The following TNRC6B variants were observed in gnomAD, a reference collection of about 807,000 sequenced individuals.
The protein encoded by TNRC6B is trinucleotide repeat containing adaptor 6B.
Under a neutral mutation model 203.6 loss-of-function variants are expected in TNRC6B, and 52 were observed. The observed-to-expected ratio is 0.26, with a 90% CI of 0.20 to 0.32. The LOEUF (loss-of-function observed/expected upper bound fraction) is 0.32, where lower values mean the gene tolerates loss of function less well. Ranked by LOEUF, TNRC6B falls within the 10% of genes least tolerant of loss-of-function variation. The probability of loss-of-function intolerance (pLI) is 1.00; values close to 1 mark genes in which losing one functional copy is unlikely to be tolerated. For missense variants in TNRC6B, 1,923 were observed against 2,286.2 expected (o/e 0.84, Z 3.24); for synonymous variants, 838 against 845.7 (o/e 0.99, Z 0.16).
At chr22:40,276,977 A>C in intron 7 of TNRC6B, 100 bp from the exon 8 acceptor site, 2 of 834,172 alleles carry the variant, frequency 2.4e-6, no homozygotes, top group Non-Finnish European at 3.5e-6. Context: ...ATAGGACTTA[A>C]AAAGGTAAAC....
intron 1 of TNRC6B, among the ~76,000 whole-genome samples, chr22:40,075,153 T>TA (rs2067996811): frequency 1.2e-5 from 1 of 83,072 alleles, no homozygotes; most frequent in Non-Finnish European, 2.2e-5. Context: ...TATATATATA[T>TA]ATATTTTTTT....
intron 1 of TNRC6B, among the ~76,000 whole-genome samples, chr22:40,244,269 C>CAG (rs529792393): frequency 7.7e-4 from 118 of 152,314 alleles, no homozygotes; most frequent in African/African-American, 2.8e-3. Context: ...CACACCTAGA[C>CAG]AGAGGCACAC....
chr22:40,083,757 G>A (rs1443229375), intron 1 of TNRC6B, among the ~76,000 whole-genome samples: 1 of 152,092 alleles, frequency 6.6e-6, no homozygotes, highest in African/African-American at 2.4e-5. Flanking sequence ...TTGAAATAGG[G>A]GAAAGAGGGG....
chr22:40,181,443 C>G (rs1207391003), intron 1 of TNRC6B, among the ~76,000 whole-genome samples: 1 of 152,126 alleles, frequency 6.6e-6, no homozygotes, highest in Non-Finnish European at 1.5e-5. Flanking sequence ...AATCATTGAT[C>G]ATCTGCAGTT....
chr22:40,213,581 G>A (rs980872597), intron 1 of TNRC6B, among the ~76,000 whole-genome samples: 1 of 152,176 alleles, frequency 6.6e-6, no homozygotes, highest in Admixed American at 6.5e-5. Context: ...TGTAGAAAAT[G>A]TATCAGAGGG....
intron 3 of TNRC6B, among the ~76,000 whole-genome samples, chr22:40,145,532 C>T (rs1244570128): frequency 8.6e-5 from 13 of 151,906 alleles, no homozygotes; most frequent in African/African-American, 2.9e-4. Context: ...GCAATTTATT[C>T]GATGTTGAGG....
upstream of TNRC6B, among the ~76,000 whole-genome samples, chr22:40,177,046 G>C (rs1294615572): frequency 6.6e-6 from 1 of 152,218 alleles, no homozygotes; most frequent in Non-Finnish European, 1.5e-5. Flanking sequence ...CACGGCCTGT[G>C]AGCCGCGGGG....
intron 1 of TNRC6B, among the ~76,000 whole-genome samples, chr22:40,244,026 G>A (rs2070069478): frequency 6.6e-6 from 1 of 150,886 alleles, no homozygotes; most frequent in African/African-American, 2.4e-5. Context: ...CTACTTTCCT[G>A]TAGTTGGTTT....
chr22:40,106,544 A>G (rs989998110), intron 1 of TNRC6B: 4 of 735,566 alleles, frequency 5.4e-6, no homozygotes, highest in African/African-American at 5.2e-5. Context: ...TCGAGCAATC[A>G]AAGTGTTATC....
intron 4 of TNRC6B, among the ~76,000 whole-genome samples, chr22:40,170,353 T>A (rs1303784483): frequency 1.4e-5 from 1 of 73,920 alleles, no homozygotes; most frequent in Non-Finnish European, 2.4e-5. Context: ...TATATATATA[T>A]TATGTATATA....
Position 40,301,297 on chromosome 22 carries a change from C to T in TNRC6B, c.4084C>T (p.Leu1362Phe), listed in dbSNP as rs1166590751. ...CGCATTGAATGTGGGGCTCCCAGAC[C>T]TTCAAACCAAAGGGCCAATACCTGG... ...PNALNVGLPD[L>F]QTKGPIPGYG... Residue 1362 changes from leucine (L) to phenylalanine (F), a missense_variant, in exon 15 of 23, where the codon CTT becomes TTT. By Grantham distance (22) the Leu-to-Phe change is conservative. Coordinates refer to ENST00000454349, the MANE Select transcript of TNRC6B (RefSeq NM_001162501.2). 2 of 1,604,716 alleles carry T rather than the reference C, an allele frequency of 1.2e-6. No individual in the cohort carries two copies. The highest frequency in any genetic ancestry group is 1.7e-5 in the Admixed American group (1 of 58,812).
intron 1 of TNRC6B, among the ~76,000 whole-genome samples, chr22:40,056,974 TGTA>T (rs765989520): frequency 7.9e-5 from 12 of 152,290 alleles, no homozygotes; most frequent in Admixed American, 3.3e-4. Flanking sequence ...GGAAGTTCCT[TGTA>T]GTATCTCAAC....
intron 2 of TNRC6B, 131 bp downstream of exon 2, chr22:40,246,233 A>T: frequency 1.6e-6 from 1 of 643,540 alleles, no homozygotes; most frequent in Middle Eastern, 4.6e-4. Context: ...TCTGTCACCT[A>T]GGCTGGAGTG....
At chr22:40,198,056 G>A (rs1182154103) in intron 1 of TNRC6B, among the ~76,000 whole-genome samples, 1 of 152,136 alleles carries the variant, frequency 6.6e-6, no homozygotes, top group Non-Finnish European at 1.5e-5. Context: ...TTGAGTTTAA[G>A]TTGTAATTCT....
chr22:40,258,121 T>A, intron 3 of TNRC6B, among the ~76,000 whole-genome samples: 1 of 129,956 alleles, frequency 7.7e-6, no homozygotes, highest in African/African-American at 2.8e-5. Context: ...TGTTTTTATT[T>A]CCCTATAGTA....
intron 4 of TNRC6B, 51 bp downstream of exon 4, chr22:40,262,224 C>T: frequency 7.5e-7 from 1 of 1,326,878 alleles, no homozygotes; most frequent in East Asian, 2.7e-5. Flanking sequence ...AGAGAGAGCA[C>T]TTTGTTTGCA....
chr22:40,212,919 G>A (rs2069584707), intron 1 of TNRC6B, among the ~76,000 whole-genome samples: 1 of 152,086 alleles, frequency 6.6e-6, no homozygotes, highest in African/African-American at 2.4e-5. Flanking sequence ...CAAAGTGCTG[G>A]GATTACAGGC....
intron 4 of TNRC6B, among the ~76,000 whole-genome samples, chr22:40,168,485 T>C (rs913459293): frequency 1.3e-5 from 2 of 152,162 alleles, no homozygotes; most frequent in Non-Finnish European, 2.9e-5. Flanking sequence ...AAACGCAGAT[T>C]TAACTTTTGA....
At chr22:40,188,034 A>T (rs930861149) in intron 1 of TNRC6B, among the ~76,000 whole-genome samples, 2 of 152,164 alleles carry the variant, frequency 1.3e-5, no homozygotes, top group Non-Finnish European at 2.9e-5. Context: ...AGCCTGGCCA[A>T]CATGGTGAAA....
Sources: allele counts gnomAD v4.1 joint callset (sites outside exome capture counted in the v4.1 genomes callset), GRCh38; gene constraint gnomAD v4.1.1; transcripts MANE v1.5; gene names NCBI Gene and HGNC (gene_info 2026-07-23, HGNC 2026-07-21).